The following SOX5 variants were observed in gnomAD, a reference collection of about 807,000 sequenced individuals.
SOX5 encodes the protein SRY-box transcription factor 5, also known as transcription factor SOX-5.
In SOX5, 9 loss-of-function variants were observed where a neutral mutation model predicts 92.0. The observed-to-expected ratio is 0.10, with a 90% CI of 0.06 to 0.17. SOX5 has a LOEUF of 0.17. SOX5 is among the 10% of genes least tolerant of loss of function. The pLI is 1.00. For missense variants in SOX5, 642 were observed against 944.5 expected (o/e 0.68, Z 4.20); for synonymous variants, 344 against 336.3 (o/e 1.02, Z -0.25).
intron 3 of SOX5, among the ~76,000 whole-genome samples, chr12:23,845,112 T>C (rs985046546): frequency 6.6e-6 from 1 of 152,248 alleles, no homozygotes; most frequent in African/African-American, 2.4e-5. Context: ...CCTAACAGAC[T>C]AGAAATGAGC....
intron 6 of SOX5, among the ~76,000 whole-genome samples, chr12:23,714,828 G>A (rs544251025): frequency 2.0e-5 from 3 of 152,238 alleles, no homozygotes; most frequent in African/African-American, 7.2e-5. Flanking sequence ...GAAATGTGCT[G>A]CTTGAATTTT....
intron 4 of SOX5, among the ~76,000 whole-genome samples, chr12:23,992,544 C>T (rs1463306135): frequency 6.6e-6 from 1 of 152,044 alleles, no homozygotes; most frequent in Non-Finnish European, 1.5e-5. Flanking sequence ...TCCATAAATG[C>T]ATCATCTACT....
intron 4 of SOX5, among the ~76,000 whole-genome samples, chr12:24,027,072 A>G (rs540414912): frequency 6.6e-6 from 1 of 152,158 alleles, no homozygotes. Flanking sequence ...ACAAATAGAC[A>G]CTATTTACAT....
At chr12:23,812,853 T>C (rs548480946) in intron 3 of SOX5, among the ~76,000 whole-genome samples, 2 of 152,326 alleles carry the variant, frequency 1.3e-5, no homozygotes, top group East Asian at 1.9e-4. Context: ...TGAAAGTATC[T>C]ATATGAAGTA....
At chr12:24,346,053 A>T (rs563375639) in intron 2 of SOX5, among the ~76,000 whole-genome samples, 1 of 152,338 alleles carries the variant, frequency 6.6e-6, no homozygotes, top group South Asian at 2.1e-4. Flanking sequence ...CATCAACATT[A>T]AGTTTCAACT....
chr12:23,944,757 T>A (rs1944266135), intron 1 of SOX5, among the ~76,000 whole-genome samples: 1 of 152,132 alleles, frequency 6.6e-6, no homozygotes, highest in African/African-American at 2.4e-5. Flanking sequence ...TATGTTTTTG[T>A]CCATTTCTTG....
intron 1 of SOX5, among the ~76,000 whole-genome samples, chr12:24,542,265 T>C (rs1449209740): frequency 6.6e-6 from 1 of 152,204 alleles, no homozygotes; most frequent in Non-Finnish European, 1.5e-5. Flanking sequence ...TGCTGTTCTC[T>C]ATGCTTACTC....
intron 4 of SOX5, among the ~76,000 whole-genome samples, chr12:24,178,551 G>A (rs1185214675): frequency 6.6e-6 from 1 of 152,102 alleles, no homozygotes; most frequent in African/African-American, 2.4e-5. Context: ...ATTTTTATGT[G>A]ACAGTTACTG....
intron 2 of SOX5, among the ~76,000 whole-genome samples, chr12:24,304,475 G>A (rs574192701): frequency 7.0e-4 from 106 of 152,240 alleles, no homozygotes; most frequent in African/African-American, 2.3e-3. Flanking sequence ...AGCCATAAAA[G>A]GAACTCAGAA....
At chr12:24,231,231 TTTA>T (rs2139939658) in intron 3 of SOX5, among the ~76,000 whole-genome samples, 1 of 152,350 alleles carries the variant, frequency 6.6e-6, no homozygotes, top group African/African-American at 2.4e-5. Context: ...TTAGAATTAT[TTTA>T]TTTTTAAACT....
intron 1 of SOX5, among the ~76,000 whole-genome samples, chr12:24,549,704 G>C (rs1952964306): frequency 6.6e-6 from 1 of 152,184 alleles, no homozygotes; most frequent in Non-Finnish European, 1.5e-5. Context: ...TGAAAGGAAG[G>C]TCTCAAACAT....
intron 4 of SOX5, among the ~76,000 whole-genome samples, chr12:24,021,372 G>C (rs751900688): frequency 2.0e-5 from 3 of 152,094 alleles, no homozygotes; most frequent in South Asian, 2.1e-4. Context: ...CTGCACTAAG[G>C]TCTAATGTAG....
intron 1 of SOX5, among the ~76,000 whole-genome samples, chr12:24,476,618 C>T (rs1945406450): frequency 6.6e-6 from 1 of 152,166 alleles, no homozygotes; most frequent in South Asian, 2.1e-4. Flanking sequence ...TGAGACTCCT[C>T]CAGCCCAGGC....
chr12:24,447,226 GA>G (rs1941619117), intron 1 of SOX5, among the ~76,000 whole-genome samples: 3 of 152,154 alleles, frequency 2.0e-5, no homozygotes, highest in African/African-American at 7.2e-5. Flanking sequence ...TTGGCCAGGT[GA>G]AAAAGGTTAG....
chr12:23,586,221 AT>A (rs1441725687), intron 9 of SOX5, among the ~76,000 whole-genome samples: 1 of 152,036 alleles, frequency 6.6e-6, no homozygotes, highest in Non-Finnish European at 1.5e-5. Flanking sequence ...TTAATTAGCA[AT>A]TTTCCTTTAT....
intron 1 of SOX5, among the ~76,000 whole-genome samples, chr12:24,521,184 A>C (rs2138482772): frequency 6.6e-6 from 1 of 152,206 alleles, no homozygotes. Flanking sequence ...CCTCCCAAGT[A>C]GCTGGGATTA....
chr12:24,356,012 A>G (rs1954783631), intron 2 of SOX5, among the ~76,000 whole-genome samples: 1 of 149,972 alleles, frequency 6.7e-6, no homozygotes, highest in Non-Finnish European at 1.5e-5. Flanking sequence ...TTGTGGATTT[A>G]AAAACATTCA....
intron 2 of SOX5, among the ~76,000 whole-genome samples, chr12:23,847,509 C>T (rs16926774): frequency 0.26 from 39,240 of 151,794 alleles, 5,456 homozygotes; most frequent in Middle Eastern, 0.32. Flanking sequence ...GTTTAAAAAC[C>T]ATCAGTGTAA....
intron 1 of SOX5, among the ~76,000 whole-genome samples, chr12:24,512,564 A>G (rs1949419039): frequency 2.0e-5 from 3 of 152,178 alleles, no homozygotes. Context: ...TACCTCCAGC[A>G]TAGTTTAAAA....
Sources: allele counts gnomAD v4.1 joint callset (sites outside exome capture counted in the v4.1 genomes callset), GRCh38; gene constraint gnomAD v4.1.1; transcripts MANE v1.5; gene names NCBI Gene and HGNC (gene_info 2026-07-23, HGNC 2026-07-21).